Variants in CALD1 observed in about 807,000 individuals in gnomAD.
The protein encoded by CALD1 is caldesmon 1.
Under a neutral mutation model 99.9 loss-of-function variants are expected in CALD1, and 33 were observed. That is an observed-to-expected ratio of 0.33 (90% CI 0.25 to 0.44). CALD1 has a LOEUF of 0.44. CALD1 is among the 20% of genes least tolerant of loss of function. The probability of loss-of-function intolerance (pLI) is 1.00; values close to 1 mark genes in which losing one functional copy is unlikely to be tolerated. For missense variants in CALD1, 861 were observed against 962.1 expected, an observed-to-expected ratio of 0.89 and a Z score of 1.39; for synonymous variants, 310 against 325.0, an observed-to-expected ratio of 0.95 and a Z score of 0.50.
intron 1 of CALD1, among the ~76,000 whole-genome samples, chr7:134,814,749 T>C (rs1314574055): frequency 6.6e-6 from 1 of 152,150 alleles, no homozygotes; most frequent in Non-Finnish European, 1.5e-5. Flanking sequence ...CACACCCCTG[T>C]TGGAAAAGAA....
intron 3 of CALD1, among the ~76,000 whole-genome samples, chr7:134,884,581 G>A (rs1298530860): frequency 6.0e-5 from 9 of 149,874 alleles, no homozygotes; most frequent in African/African-American, 2.2e-4. Flanking sequence ...GATACCTGTC[G>A]ATTCTGGACC....
At chr7:134,745,225 C>T (rs908149034) in intron 1 of CALD1, among the ~76,000 whole-genome samples, 11 of 152,186 alleles carry the variant, frequency 7.2e-5, no homozygotes, top group African/African-American at 2.7e-4. Flanking sequence ...CAAATAAATA[C>T]CTCCCTTATT....
intron 8 of CALD1, 139 bp from the exon 9 acceptor site, chr7:134,950,235 G>A (rs911373822): frequency 2.8e-6 from 2 of 713,242 alleles, no homozygotes; most frequent in East Asian, 2.7e-5. Flanking sequence ...CTAAACCTCT[G>A]GTGACCACCT....
At chr7:134,712,290 C>A in the CALD1 span, among the ~76,000 whole-genome samples, 4 of 152,178 alleles carry the variant, frequency 2.6e-5, no homozygotes, top group Non-Finnish European at 5.9e-5. Context: ...GAGGTCCAGC[C>A]AACAATATCT....
intron 3 of CALD1, among the ~76,000 whole-genome samples, chr7:134,878,920 A>G (rs1392036225): frequency 2.0e-5 from 3 of 152,164 alleles, no homozygotes; most frequent in Non-Finnish European, 4.4e-5. Flanking sequence ...GTCAGCTGTG[A>G]GCCATGATTG....
intron 1 of CALD1, among the ~76,000 whole-genome samples, chr7:134,842,429 T>G (rs1227422026): frequency 6.6e-6 from 1 of 152,248 alleles, no homozygotes; most frequent in Non-Finnish European, 1.5e-5. Flanking sequence ...GTTATTATTA[T>G]TATTTCCATA....
At chr7:134,750,111 A>AAAACAAACAAAC (rs59185876) in intron 1 of CALD1, among the ~76,000 whole-genome samples, 46 of 150,740 alleles carry the variant, frequency 3.1e-4, no homozygotes, top group African/African-American at 1.1e-3. Context: ...GGCAAGTGTT[A>AAAACAAACAAAC]AAACAAACAA....
chr7:134,722,774 C>G, the CALD1 span, among the ~76,000 whole-genome samples: 1 of 152,160 alleles, frequency 6.6e-6, no homozygotes, highest in Admixed American at 6.5e-5. Context: ...ACCCCCTCCA[C>G]CTTTCCTTTC....
chr7:134,895,298 ATGTGTGTGTGTGTGTGTGTGTGTGTG>A (rs71172482), intron 3 of CALD1, among the ~76,000 whole-genome samples: 4 of 138,646 alleles, frequency 2.9e-5, no homozygotes, highest in East Asian at 2.2e-4. Flanking sequence ...TTATATATGT[ATGTGTGTGTGTGTGTGTGTGTGTGTG>A]TGTGTGTGTG....
chr7:134,801,316 G>A (rs1585974549), intron 1 of CALD1, among the ~76,000 whole-genome samples: 1 of 151,920 alleles, frequency 6.6e-6, no homozygotes, highest in Non-Finnish European at 1.5e-5. Flanking sequence ...TTTAAACCTT[G>A]ACAAATTCAT....
intron 3 of CALD1, among the ~76,000 whole-genome samples, chr7:134,912,548 G>A (rs1803892979): frequency 1.3e-5 from 2 of 152,198 alleles, no homozygotes; most frequent in Non-Finnish European, 2.9e-5. Flanking sequence ...TGAGTTTACA[G>A]CAGAGAGGGG....
At chr7:134,890,099 G>C (rs902281340) in intron 3 of CALD1, among the ~76,000 whole-genome samples, 2 of 152,114 alleles carry the variant, frequency 1.3e-5, no homozygotes, top group African/African-American at 4.8e-5. Context: ...AGTAGAGACG[G>C]GGTTTCACCA....
At chr7:134,767,543 C>CT (rs1017904533) in intron 1 of CALD1, among the ~76,000 whole-genome samples, 1 of 152,116 alleles carries the variant, frequency 6.6e-6, no homozygotes, top group East Asian at 1.9e-4. Context: ...ATAAGATTGG[C>CT]TTTTTTATTT....
intron 3 of CALD1, among the ~76,000 whole-genome samples, chr7:134,914,444 A>G (rs1361696483): frequency 6.6e-6 from 1 of 152,134 alleles, no homozygotes; most frequent in African/African-American, 2.4e-5. Flanking sequence ...GAAATGAAAC[A>G]CCTGGAGTGG....
chr7:134,814,219 T>TA (rs1485314020), intron 1 of CALD1, among the ~76,000 whole-genome samples: 1 of 152,236 alleles, frequency 6.6e-6, no homozygotes, highest in Non-Finnish European at 1.5e-5. Flanking sequence ...TCGGAAGAGC[T>TA]ATAAATCACG....
the CALD1 span, among the ~76,000 whole-genome samples, chr7:134,722,582 T>G: frequency 1.3e-5 from 2 of 151,818 alleles, no homozygotes; most frequent in Non-Finnish European, 2.9e-5. Flanking sequence ...CCACCACACC[T>G]GGCTAATTTT....
intron 3 of CALD1, among the ~76,000 whole-genome samples, chr7:134,917,928 T>A (rs1271533677): frequency 6.6e-6 from 1 of 152,220 alleles, no homozygotes; most frequent in Non-Finnish European, 1.5e-5. Context: ...GCAATAGATA[T>A]CTTCTCCACC....
At chr7:134,892,792 A>G (rs901917140) in intron 3 of CALD1, among the ~76,000 whole-genome samples, 5 of 152,212 alleles carry the variant, frequency 3.3e-5, no homozygotes, top group African/African-American at 1.2e-4. Flanking sequence ...GTTAAAGAAA[A>G]GGTTTGGGAT....
chr7:134,920,806 A>G (rs536006014), intron 3 of CALD1: 3 of 643,608 alleles, frequency 4.7e-6, no homozygotes, highest in South Asian at 3.1e-5. Flanking sequence ...TTGGAATTTT[A>G]GGTGCAGAGT....
Sources: gnomAD v4.1 joint callset for allele counts (sites outside exome capture counted in the v4.1 genomes callset) on GRCh38, gnomAD v4.1.1 for gene constraint, MANE v1.5 for transcripts, NCBI Gene and HGNC (gene_info 2026-07-23, HGNC 2026-07-21) for gene names.